Variants in FANCM observed in about 807,000 individuals in gnomAD.
The protein encoded by FANCM is Fanconi anemia group M protein.
FANCM carries 140 observed loss-of-function variants against 199.5 expected under a neutral mutation model. That is an observed-to-expected ratio of 0.70 (90% CI 0.61 to 0.81). The LOEUF is 0.81. FANCM is among the 30% of genes least tolerant of loss of function. FANCM has a pLI of 0.00. For synonymous variants in FANCM, 840 were observed against 836.8 expected, an observed-to-expected ratio of 1.00 and a Z score of -0.07; for missense variants, 2,410 against 2,421.4, an observed-to-expected ratio of 1.00 and a Z score of 0.10.
rs1343909660 is a variant in FANCM at position 45,166,966 on chromosome 14, A to G, written c.1805A>G (p.Gln602Arg). 5 of 1,554,372 alleles carry G rather than the reference A, an allele frequency of 3.2e-6. No homozygotes were observed. The highest frequency in any genetic ancestry group is 4.4e-6 in the Non-Finnish European group (5 of 1,125,974). Residue 602 changes from glutamine to arginine, a missense_variant, in exon 11 of 23, where the codon CAG becomes CGG. Physicochemically the swap from Gln to Arg is conservative, Grantham distance 43 (BLOSUM62 1). Transcript: ENST00000267430. ...TTTTTACAGATTTATAATCAGAGTC[A>G]GTCCAACAAAAGAAGTATATATAAA... is the stretch of plus-strand genomic sequence containing the variant. The part of the protein sequence containing the change: ...GREERIYNQS[Q>R]SNKRSIYKAI...
rs762820499 is a variant in FANCM, at chr14:45,137,316, G to A, written c.681+75G>A. The stretch of plus-strand genomic sequence containing the variant: ...AGAATTTTGGCGAATAGTTACTAGT[G>A]ATGGAAGTTATTGACAATATTATTA... On this transcript the variant is annotated intron_variant, in intron 2 of 22. Transcript: ENST00000267430. 7.7e-5 allele frequency: 89 copies of A among 1,158,938 alleles called. 1 individual carries two copies. The South Asian group carries it at 1.0e-3, about 13-fold the overall frequency. 71.8% of individuals were successfully genotyped at this position (1,158,938 alleles called of 1,614,324 possible). A position where few individuals can be genotyped will look rare whatever the true frequency, so the allele number is the denominator to read the frequency against.
intron 3 of FANCM, among the ~76,000 whole-genome samples, chr14:45,144,983 A>G (rs901393178): frequency 1.3e-5 from 2 of 151,978 alleles, no homozygotes; most frequent in African/African-American, 4.8e-5. Context: ...CCCAAGGCCC[A>G]TGACATATTA....
rs752101829 is a variant in FANCM at position 45,173,046 on chromosome 14, A to T, written c.2161-9A>T. On this transcript the variant is annotated splice_polypyrimidine_tract_variant and intron_variant, in intron 12 of 22. Coordinates refer to ENST00000267430, the MANE Select transcript of FANCM (RefSeq NM_020937.4). Reference sequence around the variant, plus strand: ...TTTCATCATTTTTATTACTTTTTAAATAATTAAGGCTCAAGAATCAACCAC... The same window carrying T: ...TTTCATCATTTTTATTACTTTTTAATTAATTAAGGCTCAAGAATCAACCAC... The T allele has an allele frequency of 6.9e-6, 11 of 1,591,614 alleles. No homozygotes were observed. Among genetic ancestry groups the T allele is most frequent in the Non-Finnish European group, 9.5e-6 (11 of 1,159,830 alleles).
At chr14:45,196,587 G>A in intron 21 of FANCM, 40 bp downstream of exon 21, 1 of 1,581,368 alleles carries the variant, frequency 6.3e-7, no homozygotes, top group Non-Finnish European at 8.6e-7. Flanking sequence ...AGACTGTAAA[G>A]GAACTTTACG....
chr14:45,184,292 C>T (rs1889251290), intron 17 of FANCM, among the ~76,000 whole-genome samples: 3 of 152,086 alleles, frequency 2.0e-5, no homozygotes, highest in Admixed American at 2.0e-4. Flanking sequence ...CCTTTCCTTT[C>T]TGATTAAGTT....
At chr14:45,184,998 C>T (rs939457765) in intron 17 of FANCM, among the ~76,000 whole-genome samples, 2 of 151,242 alleles carry the variant, frequency 1.3e-5, no homozygotes, top group Non-Finnish European at 2.9e-5. Context: ...GTCAGGCTGG[C>T]CTTGAACTCC....
chr14:45,196,630 G>A (rs1890077594), intron 21 of FANCM, 83 bp downstream of exon 21: 1 of 1,355,768 alleles, frequency 7.4e-7, no homozygotes, highest in Non-Finnish European at 1.0e-6. Flanking sequence ...TTATTAGGAT[G>A]TGGGAAACTC....
Position 45,175,457 on chromosome 14 carries a change from A to G in FANCM, c.2703A>G (p.Ser901=), listed in dbSNP as rs781066677. ...QEDLPNDKRT[S]DTDEIAATCT... Reference sequence around the variant, plus strand: ...ACCTACCAAATGATAAAAGGACATCAGATACAGATGAAATTGCTGCCACAT... The same window carrying G: ...ACCTACCAAATGATAAAAGGACATCGGATACAGATGAAATTGCTGCCACAT... The change falls in exon 14 of 23, where the codon TCA becomes TCG. Residue 901 remains serine, a synonymous_variant. Transcript: ENST00000267430. 51 of 1,606,532 alleles carry G rather than the reference A, an allele frequency of 3.2e-5. No individual in the cohort carries two copies. Among genetic ancestry groups the G allele is most frequent in the Admixed American group, 2.9e-4 (17 of 58,944 alleles).
At chr14:45,140,556 A>T in intron 2 of FANCM, 76 bp from the exon 3 acceptor site, 2 of 795,170 alleles carry the variant, frequency 2.5e-6, no homozygotes, top group Non-Finnish European at 4.5e-6. Flanking sequence ...GGGACCATGT[A>T]TAATAGGTTG....
intron 17 of FANCM, 28 bp from the exon 18 acceptor site, chr14:45,185,188 CT>C: frequency 6.9e-7 from 1 of 1,447,846 alleles, no homozygotes; most frequent in Non-Finnish European, 9.6e-7. Context: ...TCACTGATAT[CT>C]TCATGTTTTC....
intron 5 of FANCM, 96 bp downstream of exon 5, chr14:45,151,624 A>C: frequency 3.1e-4 from 354 of 1,155,204 alleles, no homozygotes; most frequent in Non-Finnish European, 4.2e-4. Flanking sequence ...CTATTAGCTC[A>C]TCAATAATTG....
chr14:45,179,143 G>A (rs895822623), intron 14 of FANCM, among the ~76,000 whole-genome samples: 5 of 152,156 alleles, frequency 3.3e-5, no homozygotes, highest in African/African-American at 1.2e-4. Context: ...AGGTTCCAGT[G>A]AGCCGAGATC....
At chr14:45,184,902 T>TAGC (rs1209933465) in intron 17 of FANCM, among the ~76,000 whole-genome samples, 1 of 150,782 alleles carries the variant, frequency 6.6e-6, no homozygotes, top group Non-Finnish European at 1.5e-5. Context: ...GCTTCCCGAG[T>TAGC]AGCTGGGATT....
chr14:45,179,082 C>T (rs1888896187), intron 14 of FANCM, among the ~76,000 whole-genome samples: 1 of 152,036 alleles, frequency 6.6e-6, no homozygotes, highest in South Asian at 2.1e-4. Context: ...TCCTGTAGTC[C>T]CAGCTACTCA....
At chr14:45,159,449 T>C (rs1350298160) in intron 9 of FANCM, among the ~76,000 whole-genome samples, 169 bp downstream of exon 9, 3 of 152,120 alleles carry the variant, frequency 2.0e-5, no homozygotes, top group African/African-American at 7.2e-5. Context: ...AAATGTTTTA[T>C]GTGGTTTTGG....
chr14:45,159,247 C>T lies in FANCM; in HGVS notation c.1548C>T (p.Ser516=), dbSNP rs778176584. ...MTFVGHASGK[S]TKGFTQKEQL... is the part of the protein sequence containing the mutation. ...TTGTCGGCCATGCCTCAGGGAAAAG[C>T]ACGAAGGGTTTTACCCAGAAGGAGC... Residue 516 remains serine, a synonymous_variant, in exon 9 of 23, where the codon AGC becomes AGT. Coordinates refer to ENST00000267430, the MANE Select transcript of FANCM (RefSeq NM_020937.4). 2 of 1,613,462 alleles carry T rather than the reference C, an allele frequency of 1.2e-6. No homozygotes were observed. The highest frequency in any genetic ancestry group is 1.7e-6 in the Non-Finnish European group (2 of 1,179,612).
chr14:45,154,808 C>G lies in FANCM; in HGVS notation c.1295C>G (p.Ser432Cys). 6.2e-7 allele frequency: 1 copy of G among 1,607,816 alleles called. No individual in the cohort carries two copies. Among genetic ancestry groups the G allele is most frequent in the East Asian group, 2.2e-5 (1 of 44,592 alleles). Reference protein sequence around the residue: ...RTRSTSANGISAIQQGDKNKK... With the variant: ...RTRSTSANGICAIQQGDKNKK... ...CGTAGTACTTCAGCAAATGGTATTT[C>G]TGCTATCCAACAAGGTCTGGTTTTT... Residue 432 changes from serine (S) to cysteine (C), a missense_variant, in exon 7 of 23, where the codon TCT (serine) becomes TGT (cysteine). Ser to Cys is a moderately radical substitution (Grantham distance 112). Coordinates refer to ENST00000267430, the MANE Select transcript of FANCM (RefSeq NM_020937.4).
At chr14:45,137,034 A>C (rs1397109049) in intron 1 of FANCM, 35 bp from the exon 2 acceptor site, 1 of 1,502,542 alleles carries the variant, frequency 6.7e-7, no homozygotes, top group East Asian at 2.3e-5. Context: ...TAACAGTCTG[A>C]AGTTTAGAAT....
chr14:45,198,630 A>C lies in FANCM; in HGVS notation c.5717-14A>C. 6.3e-7 allele frequency: 1 copy of C among 1,596,560 alleles called. No individual in the cohort carries two copies. Among genetic ancestry groups the C allele is most frequent in the South Asian group, 1.1e-5 (1 of 88,008 alleles). On this transcript the variant is annotated splice_polypyrimidine_tract_variant and intron_variant, in intron 21 of 22. Transcript: ENST00000267430. ...GTTACTGAAGTTTGCCTTTCCCTAA[A>C]TATGAATATTTAGGAGACACATCAA...
Sources: gnomAD v4.1 joint callset for allele counts (sites outside exome capture counted in the v4.1 genomes callset) on GRCh38, gnomAD v4.1.1 for gene constraint, MANE v1.5 for transcripts, NCBI Gene and HGNC (gene_info 2026-07-23, HGNC 2026-07-21) for gene names.